BST1: variants seen among roughly 807,000 people sequenced by gnomAD.
BST1 encodes ADP-ribosyl cyclase/cyclic ADP-ribose hydrolase 2.
In BST1, 49 loss-of-function variants were observed where a neutral mutation model predicts 40.6. The observed-to-expected ratio is 1.21, with a 90% CI of 0.96 to 1.53. The LOEUF (loss-of-function observed/expected upper bound fraction) is 1.53, where lower values mean the gene tolerates loss of function less well. Among genes scored for constraint, BST1 ranks in the 40% most tolerant of loss-of-function variants. BST1 has a pLI of 0.00. For missense variants in BST1, 423 were observed against 395.9 expected, an observed-to-expected ratio of 1.07 and a Z score of -0.58; for synonymous variants, 157 against 159.3, an observed-to-expected ratio of 0.99 and a Z score of 0.11.
chr4:15,719,340 G>A (rs1395527677), intron 7 of BST1, among the ~76,000 whole-genome samples: 2 of 152,172 alleles, frequency 1.3e-5, no homozygotes, highest in African/African-American at 4.8e-5. Context: ...TGGGATCCCT[G>A]TGCATGACAG....
intron 6 of BST1, among the ~76,000 whole-genome samples, chr4:15,717,067 A>G (rs1410434395): frequency 6.6e-6 from 1 of 152,124 alleles, no homozygotes; most frequent in Non-Finnish European, 1.5e-5. Flanking sequence ...GGCATGAGCC[A>G]CCATGCCCGT....
chr4:15,742,935 A>G (rs1721779346), downstream of BST1, among the ~76,000 whole-genome samples: 1 of 152,244 alleles, frequency 6.6e-6, no homozygotes, highest in Non-Finnish European at 1.5e-5. Context: ...TGAGATGGCA[A>G]CTGGCACCAG....
chr4:15,770,129 C>T, the BST1 span, among the ~76,000 whole-genome samples: 8 of 148,692 alleles, frequency 5.4e-5, no homozygotes, highest in South Asian at 2.2e-4. Flanking sequence ...CGTAAGCCAC[C>T]GGGCATGGCT....
chr4:15,740,941 C>T (rs143769085), downstream of BST1, among the ~76,000 whole-genome samples: 347 of 151,860 alleles, frequency 2.3e-3, 1 homozygote, highest in African/African-American at 7.9e-3. Flanking sequence ...CTCCGTGGTT[C>T]GTGAGGGGTC....
chr4:15,716,428 T>G (rs1720519749), intron 6 of BST1, among the ~76,000 whole-genome samples: 1 of 152,178 alleles, frequency 6.6e-6, no homozygotes, highest in African/African-American at 2.4e-5. Context: ...ATGATGGAGA[T>G]TCAGAAGCAA....
rs767162863 is a variant in BST1, at chr4:15,715,822, A to G, written c.704+23A>G. 4 of 1,478,318 alleles carry G rather than the reference A, an allele frequency of 2.7e-6. No homozygotes were observed. The Admixed American group carries it at 9.3e-5, about 34-fold the overall frequency. 91.6% of individuals were successfully genotyped at this position (1,478,318 alleles called of 1,614,324 possible). A position where few individuals can be genotyped will look rare whatever the true frequency, so the allele number is the denominator to read the frequency against. ...TGTGTAAGTTATGGTGATATTGATG[A>G]TGATAATTGCACAAGTTTGTTTTTC... On this transcript the variant is annotated intron_variant, in intron 6 of 8. Coordinates refer to ENST00000265016, the MANE Select transcript of BST1 (RefSeq NM_004334.3).
intron 7 of BST1, among the ~76,000 whole-genome samples, chr4:15,720,455 A>G (rs1333409858): frequency 1.3e-5 from 2 of 152,084 alleles, no homozygotes; most frequent in African/African-American, 4.8e-5. Flanking sequence ...CGTCTCTACT[A>G]AAAATACAAA....
intron 7 of BST1, among the ~76,000 whole-genome samples, chr4:15,722,161 G>A (rs776976585): frequency 6.6e-5 from 10 of 152,180 alleles, no homozygotes; most frequent in Non-Finnish European, 1.3e-4. Context: ...TACTTATCAG[G>A]TCATACGAGT....
downstream of BST1, chr4:15,738,369 AG>A (rs1216620048): frequency 6.5e-6 from 1 of 152,802 alleles, no homozygotes; most frequent in Non-Finnish European, 1.5e-5. Flanking sequence ...GACGTCTATA[AG>A]TCATTCTTTG....
At chr4:15,731,188 T>C in intron 8 of BST1, 1 of 433,830 alleles carries the variant, frequency 2.3e-6, no homozygotes, top group Non-Finnish European at 4.3e-6. Context: ...CTCATCCACT[T>C]TGGCCACCAT....
chr4:15,732,144 A>G lies in BST1; in HGVS notation c.*299A>G. The G allele has an allele frequency of 8.9e-7, 1 of 1,119,406 alleles. No homozygotes were observed. The highest frequency in any genetic ancestry group is 4.0e-4 in the Middle Eastern group (1 of 2,510). 69.3% of individuals were successfully genotyped at this position (1,119,406 alleles called of 1,614,324 possible). On this transcript the variant is annotated 3_prime_UTR_variant, in exon 9 of 9. Transcript: ENST00000265016. ...CTTGTATATTATCAAACATTTTAAG[A>G]GAATTCTAATAAAGCTGTATTTTAC...
downstream of BST1, among the ~76,000 whole-genome samples, chr4:15,734,983 A>G (rs978411314): frequency 5.3e-5 from 8 of 152,056 alleles, no homozygotes; most frequent in Admixed American, 5.2e-4. Flanking sequence ...TGGTGTAGAC[A>G]CTGGTGTGTA....
rs111971248 is a variant in BST1, at chr4:15,715,184, C to T, written c.535-101C>T. On this transcript the variant is annotated intron_variant, in intron 4 of 8. Transcript: ENST00000265016. ...ATATGAAATGCCACATTTATCATAT[C>T]CTTGCCATTATTTAGAACTGACAAT... 2.9e-3 allele frequency: 3,081 copies of T among 1,057,722 alleles called. 14 individuals are homozygous for T. The highest frequency in any genetic ancestry group is 3.7e-3 in the Non-Finnish European group (2,584 of 703,534). The allele number at this position is 1,057,722 out of a possible 1,614,324, so 65.5% of individuals were successfully genotyped here.
At chr4:15,716,376 GA>G (rs1411229425) in intron 6 of BST1, among the ~76,000 whole-genome samples, 4 of 152,332 alleles carry the variant, frequency 2.6e-5, no homozygotes, top group Admixed American at 2.0e-4. Context: ...TTGGTTTAAA[GA>G]CAAGCCAACA....
At chr4:15,716,732 G>A (rs1208770243) in intron 6 of BST1, among the ~76,000 whole-genome samples, 2 of 152,126 alleles carry the variant, frequency 1.3e-5, no homozygotes, top group Non-Finnish European at 2.9e-5. Flanking sequence ...CATGAAAAAC[G>A]TGTATCGTTG....
intron 6 of BST1, among the ~76,000 whole-genome samples, chr4:15,716,361 C>T (rs1472858309): frequency 2.0e-5 from 3 of 152,176 alleles, no homozygotes; most frequent in Non-Finnish European, 4.4e-5. Flanking sequence ...AAAAGTTAAA[C>T]TGATTTGGTT....
downstream of BST1, among the ~76,000 whole-genome samples, chr4:15,741,835 C>CA (rs1721754189): frequency 6.6e-6 from 1 of 152,166 alleles, no homozygotes; most frequent in African/African-American, 2.4e-5. Flanking sequence ...AGTATTATCT[C>CA]ACCTTTTACA....
intron 4 of BST1, among the ~76,000 whole-genome samples, chr4:15,712,539 C>G (rs1467997805): frequency 1.3e-5 from 2 of 152,300 alleles, no homozygotes; most frequent in East Asian, 3.9e-4. Flanking sequence ...AAAACATTAG[C>G]TAGGTTGACC....
the BST1 span, among the ~76,000 whole-genome samples, chr4:15,764,852 T>G: frequency 7.4e-6 from 1 of 135,190 alleles, no homozygotes; most frequent in Non-Finnish European, 1.7e-5. Context: ...AGAAATATCT[T>G]AAGTGACTAG....
Sources: gnomAD v4.1 joint callset for allele counts (sites outside exome capture counted in the v4.1 genomes callset) on GRCh38, gnomAD v4.1.1 for gene constraint, MANE v1.5 for transcripts, NCBI Gene and HGNC (gene_info 2026-07-23, HGNC 2026-07-21) for gene names.